ITGA1: variants seen among roughly 807,000 people sequenced by gnomAD.
The protein encoded by ITGA1 is integrin subunit alpha 1.
Under a neutral mutation model 145.9 loss-of-function variants are expected in ITGA1, and 85 were observed. That is an observed-to-expected ratio of 0.58 (90% CI 0.49 to 0.70). The LOEUF is 0.70. ITGA1 is among the 30% of genes least tolerant of loss of function. The pLI, the probability that ITGA1 is intolerant of heterozygous loss-of-function variation, is 0.00. For synonymous variants in ITGA1, 520 were observed against 495.3 expected (o/e 1.05, Z -0.66); for missense variants, 1,351 against 1,418.7 (o/e 0.95, Z 0.77).
intron 27 of ITGA1, among the ~76,000 whole-genome samples, chr5:52,946,105 G>A (rs1026760175): frequency 6.6e-6 from 1 of 152,022 alleles, no homozygotes; most frequent in Non-Finnish European, 1.5e-5. Flanking sequence ...CATCCTAAAG[G>A]AAAAATTATA....
intron 1 of ITGA1, among the ~76,000 whole-genome samples, chr5:52,834,132 C>G (rs1749119279): frequency 6.6e-6 from 1 of 152,032 alleles, no homozygotes; most frequent in Admixed American, 6.6e-5. Flanking sequence ...TCAGCATAAC[C>G]CTGTGTTACT....
intron 11 of ITGA1, chr5:52,903,307 C>G (rs1410482845): frequency 6.6e-6 from 1 of 152,092 alleles, no homozygotes; most frequent in Non-Finnish European, 1.5e-5. Flanking sequence ...AATAAAACAG[C>G]CTTCATTTTG....
In ITGA1 at chr5:52,905,787, C is replaced by T. The variant is rs780593198; in HGVS notation, c.1334C>T (p.Ala445Val). 3.7e-6 allele frequency: 6 copies of T among 1,613,408 alleles called. No individual in the cohort carries two copies. The highest frequency in any genetic ancestry group is 3.3e-5 in the South Asian group (3 of 90,940). ...YLGYTVNSATASSGDVLYIAG... is the reference protein window; with the variant it reads ...YLGYTVNSATVSSGDVLYIAG... ...GGTTACACTGTAAACTCTGCTACTG[C>T]TTCTTCTGGAGATGTGCTCTATATT... The change falls in exon 12 of 29, where the codon GCT (alanine) becomes GTT (valine). Residue 445 changes from alanine (A) to valine (V), a missense_variant. Ala to Val is a moderately conservative substitution (Grantham distance 64). Coordinates refer to ENST00000282588, the MANE Select transcript of ITGA1 (RefSeq NM_181501.2).
At chr5:52,824,508 CT>C (rs1372877447) in intron 1 of ITGA1, 1 of 152,140 alleles carries the variant, frequency 6.6e-6, no homozygotes, top group Non-Finnish European at 1.5e-5. Context: ...TCAGGCTGGT[CT>C]TGAACTTCTG....
intron 27 of ITGA1, 42 bp from the exon 28 acceptor site, chr5:52,947,303 T>C (rs752035547): frequency 8.6e-7 from 1 of 1,164,356 alleles, no homozygotes; most frequent in Admixed American, 1.7e-5. Context: ...GGAGTTCTAA[T>C]AGGTGTTTAT....
Position 52,957,534 on chromosome 5 carries a change from C to T in ITGA1, c.*5083C>T, listed in dbSNP as rs949782492. 5 of 152,302 alleles carry T rather than the reference C, an allele frequency of 3.3e-5. No homozygotes were observed. The highest frequency in any genetic ancestry group is 1.2e-4 in the African/African-American group (5 of 41,566). The allele number at this position is 152,302 out of a possible 1,614,324, so 9.4% of individuals were successfully genotyped here. Reference sequence around the variant, plus strand: ...TACAAGACTCCCTAGCATTTTCCTCCTCCCACAGGCTGGAGAATTTCAGTG... The same window carrying T: ...TACAAGACTCCCTAGCATTTTCCTCTTCCCACAGGCTGGAGAATTTCAGTG... On this transcript the variant is annotated 3_prime_UTR_variant, in exon 29 of 29. Transcript: ENST00000282588.
At chr5:52,909,789 A>T (rs1375084981) in intron 13 of ITGA1, among the ~76,000 whole-genome samples, 13 of 137,852 alleles carry the variant, frequency 9.4e-5, no homozygotes, top group African/African-American at 8.4e-5. Flanking sequence ...TTTTCCTTCC[A>T]CTCTAGGCAG....
In ITGA1 at chr5:52,953,861, A is replaced by C. The variant is rs1277522430; in HGVS notation, c.*1410A>C. The C allele has an allele frequency of 6.6e-6, 1 of 152,226 alleles. No individual in the cohort carries two copies. The highest frequency in any genetic ancestry group is 2.1e-4 in the South Asian group (1 of 4,834). The allele number at this position is 152,226 out of a possible 1,614,324, so 9.4% of individuals were successfully genotyped here. On this transcript the variant is annotated 3_prime_UTR_variant, in exon 29 of 29. Coordinates refer to ENST00000282588, the MANE Select transcript of ITGA1 (RefSeq NM_181501.2). Reference sequence around the variant, plus strand: ...ATCTGATTTACCAGAACCTGTAACAAGACCAGAACATGTATTCATCCAGAA... The same window carrying C: ...ATCTGATTTACCAGAACCTGTAACACGACCAGAACATGTATTCATCCAGAA...
At chr5:52,836,260 A>G (rs1385304318) in intron 1 of ITGA1, among the ~76,000 whole-genome samples, 2 of 152,178 alleles carry the variant, frequency 1.3e-5, no homozygotes, top group South Asian at 4.1e-4. Context: ...GATTATTTGC[A>G]CATCTCTGAA....
chr5:52,910,071 G>A (rs1390046817), intron 13 of ITGA1, 91 bp from the exon 14 acceptor site: 3 of 1,236,248 alleles, frequency 2.4e-6, no homozygotes, highest in South Asian at 1.5e-5. Flanking sequence ...ACAAATGGCT[G>A]TTAATAGCAC....
chr5:52,949,282 T>C (rs1052811292), intron 28 of ITGA1, among the ~76,000 whole-genome samples: 3 of 152,162 alleles, frequency 2.0e-5, no homozygotes, highest in African/African-American at 7.2e-5. Context: ...CCTTATGAGG[T>C]CGTATGAACC....
chr5:52,850,384 A>G (rs1054520789), intron 2 of ITGA1, among the ~76,000 whole-genome samples: 6 of 152,280 alleles, frequency 3.9e-5, no homozygotes, highest in African/African-American at 1.4e-4. Flanking sequence ...TATTTAATAG[A>G]ATTTTTAGTA....
chr5:52,925,889 C>T lies in ITGA1; in HGVS notation c.2613+402C>T, dbSNP rs111287014. ...AAATCAAGATACCATATCTCCCTTTCTATGCAAAATCCTTACTTTGGCAAG... is the reference window on the plus strand; with the variant it reads ...AAATCAAGATACCATATCTCCCTTTTTATGCAAAATCCTTACTTTGGCAAG... On this transcript the variant is annotated intron_variant, in intron 19 of 28. Coordinates refer to ENST00000282588, the MANE Select transcript of ITGA1 (RefSeq NM_181501.2). Among the ~76,000 whole-genome samples, 155 of 152,256 alleles carry T rather than the reference C, an allele frequency of 1.0e-3. 3 individuals carry two copies. The Middle Eastern group carries it at 0.014, about 13-fold the overall frequency.
chr5:52,920,494 C>A, intron 17 of ITGA1, 26 bp downstream of exon 17: 2 of 1,546,972 alleles, frequency 1.3e-6, no homozygotes, highest in Non-Finnish European at 1.7e-6. Flanking sequence ...ATCGTTGCTG[C>A]CTTATTCCAA....
chr5:52,789,649 G>A (rs1452892306), intron 1 of ITGA1, among the ~76,000 whole-genome samples: 1 of 152,180 alleles, frequency 6.6e-6, no homozygotes, highest in Non-Finnish European at 1.5e-5. Context: ...ATTATAGCCG[G>A]TGAGTGGTTT....
intron 6 of ITGA1, among the ~76,000 whole-genome samples, chr5:52,866,025 T>A (rs1352069533): frequency 6.6e-6 from 1 of 152,194 alleles, no homozygotes; most frequent in Non-Finnish European, 1.5e-5. Context: ...TTTTTTCTTT[T>A]TCTTTTTTAG....
chr5:52,863,739 A>T (rs1191323651), intron 3 of ITGA1, among the ~76,000 whole-genome samples: 1 of 152,212 alleles, frequency 6.6e-6, no homozygotes, highest in African/African-American at 2.4e-5. Context: ...TTTTAGCCAC[A>T]TCAAGTACAG....
intron 6 of ITGA1, among the ~76,000 whole-genome samples, chr5:52,872,108 T>C (rs1340207071): frequency 6.6e-6 from 1 of 152,192 alleles, no homozygotes; most frequent in East Asian, 1.9e-4. Context: ...ATCAAAAGTG[T>C]AGCATAGCAT....
At chr5:52,882,466 GA>G (rs1314099452) in intron 7 of ITGA1, among the ~76,000 whole-genome samples, 1 of 151,738 alleles carries the variant, frequency 6.6e-6, no homozygotes, top group Non-Finnish European at 1.5e-5. Context: ...GAAGCTACTA[GA>G]TAAGAGGTGT....
Sources: allele counts gnomAD v4.1 joint callset (sites outside exome capture counted in the v4.1 genomes callset), GRCh38; gene constraint gnomAD v4.1.1; transcripts MANE v1.5; gene names NCBI Gene and HGNC (gene_info 2026-07-23, HGNC 2026-07-21).